Variants in NCKAP5 observed in about 807,000 individuals in gnomAD.
The protein encoded by NCKAP5 is NCK associated protein 5, also known as nck-associated protein 5.
Under a neutral mutation model 167.0 loss-of-function variants are expected in NCKAP5, and 92 were observed. That is an observed-to-expected ratio of 0.55 (90% CI 0.47 to 0.66). NCKAP5 has a LOEUF of 0.66. Among genes scored for constraint, NCKAP5 ranks in the 30% least tolerant of loss-of-function variants. The probability of loss-of-function intolerance (pLI) is 0.00; values close to 1 mark genes in which losing one functional copy is unlikely to be tolerated. For synonymous variants in NCKAP5, 891 were observed against 877.4 expected (o/e 1.02, Z -0.27); for missense variants, 2,378 against 2,315.0 (o/e 1.03, Z -0.56).
At chr2:132,759,204 G>A (rs1346461354) in intron 16 of NCKAP5, among the ~76,000 whole-genome samples, 1 of 151,960 alleles carries the variant, frequency 6.6e-6, no homozygotes, top group Non-Finnish European at 1.5e-5. Context: ...CTGCTGTATA[G>A]TATTCCATAG....
At chr2:132,963,305 C>T (rs1030221054) in intron 8 of NCKAP5, among the ~76,000 whole-genome samples, 5 of 152,142 alleles carry the variant, frequency 3.3e-5, no homozygotes, top group African/African-American at 1.2e-4. Context: ...GACTATACTG[C>T]TTATAAAATC....
In NCKAP5 at chr2:133,402,281, A is replaced by G. The variant is rs60587180; in HGVS notation, c.70-99171T>C. On this transcript the variant is annotated intron_variant, in intron 3 of 19. Coordinates refer to ENST00000409261, the MANE Select transcript of NCKAP5 (RefSeq NM_207363.3). ...AGATCCAGAAAAACCCTAAAATAGG[A>G]CCCTGAGGCCTGGTCTTCCAGGGAT... 7.4e-3 allele frequency among the ~76,000 whole-genome samples: 1,127 copies of G among 152,290 alleles called. 9 individuals carry two copies. Among genetic ancestry groups the G allele is most frequent in the African/African-American group, 0.023 (967 of 41,560 alleles).
At chr2:132,715,225 A>C (rs1689253154) in intron 19 of NCKAP5, among the ~76,000 whole-genome samples, 1 of 152,168 alleles carries the variant, frequency 6.6e-6, no homozygotes, top group Non-Finnish European at 1.5e-5. Context: ...TTACTTCTAC[A>C]AAGATTCTTC....
At chr2:132,955,843 C>A (rs906265170) in intron 8 of NCKAP5, among the ~76,000 whole-genome samples, 1 of 152,144 alleles carries the variant, frequency 6.6e-6, no homozygotes, top group Non-Finnish European at 1.5e-5. Flanking sequence ...TTTTAATGAT[C>A]AACATTCTAA....
At chr2:133,111,704 T>C (rs941498842) in intron 6 of NCKAP5, among the ~76,000 whole-genome samples, 3 of 152,188 alleles carry the variant, frequency 2.0e-5, no homozygotes, top group Non-Finnish European at 2.9e-5. Context: ...CCTTTTGGTG[T>C]AGGCAACATC....
intron 11 of NCKAP5, among the ~76,000 whole-genome samples, chr2:132,831,498 C>A (rs771345453): frequency 4.6e-5 from 7 of 152,080 alleles, no homozygotes; most frequent in Non-Finnish European, 7.4e-5. Flanking sequence ...CTGTTCATTG[C>A]AACTGTACTT....
chr2:133,527,550 T>G (rs1298424973), intron 2 of NCKAP5, among the ~76,000 whole-genome samples: 1 of 135,202 alleles, frequency 7.4e-6, no homozygotes, highest in African/African-American at 2.7e-5. Flanking sequence ...GATTAAGAGA[T>G]TAAACTTTAA....
intron 16 of NCKAP5, among the ~76,000 whole-genome samples, chr2:132,749,406 A>T (rs1398397735): frequency 6.6e-6 from 1 of 151,844 alleles, no homozygotes; most frequent in East Asian, 1.9e-4. Flanking sequence ...ATTTTGTCAT[A>T]TTGCCCAGGC....
At chr2:133,045,363 G>GTA (rs1445418168) in intron 6 of NCKAP5, among the ~76,000 whole-genome samples, 5 of 151,692 alleles carry the variant, frequency 3.3e-5, no homozygotes, top group African/African-American at 1.2e-4. Flanking sequence ...ATGTTAAAAA[G>GTA]TATATATATC....
chr2:133,565,507 C>A (rs1249864326), intron 1 of NCKAP5, among the ~76,000 whole-genome samples: 2 of 152,188 alleles, frequency 1.3e-5, no homozygotes, highest in Non-Finnish European at 2.9e-5. Flanking sequence ...GATCATAAAG[C>A]CGGCAAGTGG....
At chr2:133,053,997 A>C (rs953318544) in intron 6 of NCKAP5, among the ~76,000 whole-genome samples, 3 of 152,226 alleles carry the variant, frequency 2.0e-5, no homozygotes, top group Non-Finnish European at 2.9e-5. Context: ...AAATAGATGA[A>C]TAGATGCAGT....
At chr2:133,429,262 T>TTTTG (rs796132324) in intron 3 of NCKAP5, among the ~76,000 whole-genome samples, 2 of 151,652 alleles carry the variant, frequency 1.3e-5, no homozygotes, top group African/African-American at 4.9e-5. Flanking sequence ...TATTAGATGA[T>TTTTG]TTTGCTTTGC....
At chr2:133,370,573 A>G (rs1685737468) in intron 3 of NCKAP5, among the ~76,000 whole-genome samples, 1 of 152,168 alleles carries the variant, frequency 6.6e-6, no homozygotes, top group Non-Finnish European at 1.5e-5. Context: ...GCATAGCTAG[A>G]CTCAAGAAAA....
At chr2:133,006,389 A>G (rs992239397) in intron 6 of NCKAP5, among the ~76,000 whole-genome samples, 3 of 152,250 alleles carry the variant, frequency 2.0e-5, no homozygotes, top group Admixed American at 6.5e-5. Flanking sequence ...TGCATTTCAC[A>G]TAAGTTAATA....
rs538650674 is a variant in NCKAP5 at position 132,938,892 on chromosome 2, C to T, written c.579+24828G>A. On this transcript the variant is annotated intron_variant, in intron 8 of 19. Transcript: ENST00000409261. ...AGGATCAGTCCCTTGCCCCAGCCCC[C>T]GCCCATTCATTCCCTCTCACTTCCA... 1.1e-4 allele frequency among the ~76,000 whole-genome samples: 17 copies of T among 152,236 alleles called. No homozygotes were observed. The South Asian group carries it at 1.2e-3, about 11-fold the overall frequency.
chr2:132,832,874 G>A (rs1231999208), intron 11 of NCKAP5, among the ~76,000 whole-genome samples: 3 of 152,084 alleles, frequency 2.0e-5, no homozygotes, highest in South Asian at 2.1e-4. Flanking sequence ...TTTCCTTTGG[G>A]TAGATAGCCA....
intron 17 of NCKAP5, among the ~76,000 whole-genome samples, chr2:132,729,183 T>A (rs1158965726): frequency 7.9e-5 from 12 of 152,212 alleles, no homozygotes. Flanking sequence ...CAAACTGTTC[T>A]TAGACTACTT....
In NCKAP5 at chr2:132,698,151, C is replaced by T. The variant is rs547737379; in HGVS notation, c.5714-24846G>A. Among the ~76,000 whole-genome samples the T allele has an allele frequency of 2.6e-5, 4 of 152,300 alleles. No homozygotes were observed. The South Asian group carries it at 8.3e-4, about 32-fold the overall frequency. On this transcript the variant is annotated intron_variant, in intron 19 of 19. Coordinates refer to ENST00000409261, the MANE Select transcript of NCKAP5 (RefSeq NM_207363.3). ...GACAAAACAGCTTCCAACCATAATT[C>T]AGTAGTATAAAACTGTTCTGTCAAC...
At chr2:133,332,863 C>G (rs1326376229) in intron 3 of NCKAP5, among the ~76,000 whole-genome samples, 1 of 152,224 alleles carries the variant, frequency 6.6e-6, no homozygotes, top group Admixed American at 6.5e-5. Flanking sequence ...CATGTCAATA[C>G]CCAATGCAGG....
Sources: gnomAD v4.1 joint callset for allele counts (sites outside exome capture counted in the v4.1 genomes callset) on GRCh38, gnomAD v4.1.1 for gene constraint, MANE v1.5 for transcripts, NCBI Gene and HGNC (gene_info 2026-07-23, HGNC 2026-07-21) for gene names.